The following DPYD variants were observed in gnomAD, a reference collection of about 807,000 sequenced individuals.
DPYD encodes the protein dihydropyrimidine dehydrogenase.
A neutral mutation model predicts 116.2 loss-of-function variants in DPYD; 109 were observed. The ratio of observed to expected loss-of-function variants is 0.94; its 90% CI spans 0.80 to 1.10. The LOEUF (loss-of-function observed/expected upper bound fraction) is 1.10. Ranked by LOEUF, DPYD falls within the 50% of genes least tolerant of loss-of-function variation. The pLI, the probability that DPYD is intolerant of heterozygous loss-of-function variation, is 0.00. For synonymous variants in DPYD, 440 were observed against 432.0 expected (o/e 1.02, Z -0.23); for missense variants, 1,302 against 1,254.5 (o/e 1.04, Z -0.57).
intron 14 of DPYD, among the ~76,000 whole-genome samples, chr1:97,401,301 C>T (rs12026223): frequency 0.19 from 29,115 of 151,796 alleles, 2,954 homozygotes; most frequent in South Asian, 0.36. Flanking sequence ...TTTCACTGAG[C>T]GGAAGTTTTT....
In DPYD at chr1:97,100,479, C is replaced by T. The variant is rs564710576; in HGVS notation, c.2623-1847G>A. ...TATCAAGAACGGTTAAGTGTTGAAA[C>T]ATATGACCTCTGGTTCTAGCAGATG... On this transcript the variant is annotated intron_variant, in intron 20 of 22. Coordinates refer to ENST00000370192, the MANE Select transcript of DPYD (RefSeq NM_000110.4). Among the ~76,000 whole-genome samples the T allele has an allele frequency of 3.3e-5, 5 of 152,158 alleles. No individual in the cohort carries two copies. The East Asian group carries it at 9.7e-4, about 29-fold the overall frequency.
intron 1 of DPYD, among the ~76,000 whole-genome samples, chr1:97,894,453 C>G (rs1457821302): frequency 6.6e-6 from 1 of 151,736 alleles, no homozygotes; most frequent in Non-Finnish European, 1.5e-5. Context: ...TAATATTGGG[C>G]ATCAACTTAA....
At chr1:97,900,451 A>G (rs1323870048) in intron 1 of DPYD, among the ~76,000 whole-genome samples, 1 of 151,924 alleles carries the variant, frequency 6.6e-6, no homozygotes, top group Non-Finnish European at 1.5e-5. Flanking sequence ...ATTCAAAACC[A>G]GGGTGCATGG....
At chr1:97,395,549 C>T (rs1276101628) in intron 14 of DPYD, among the ~76,000 whole-genome samples, 2 of 151,988 alleles carry the variant, frequency 1.3e-5, no homozygotes, top group Non-Finnish European at 2.9e-5. Flanking sequence ...TATTGATTTC[C>T]TATCCTTTCA....
chr1:97,303,925 CAGTG>C (rs1667010601), intron 18 of DPYD, among the ~76,000 whole-genome samples: 1 of 151,930 alleles, frequency 6.6e-6, no homozygotes, highest in Non-Finnish European at 1.5e-5. Flanking sequence ...CTATAATTTC[CAGTG>C]TGTGTATGCT....
chr1:97,326,728 C>T (rs1668723658), intron 16 of DPYD, among the ~76,000 whole-genome samples: 1 of 151,764 alleles, frequency 6.6e-6, no homozygotes. Context: ...GTTATAGACA[C>T]CTAATAAGAT....
At chr1:97,435,171 T>C (rs147705756) in intron 14 of DPYD, among the ~76,000 whole-genome samples, 1 of 152,064 alleles carries the variant, frequency 6.6e-6, no homozygotes, top group Non-Finnish European at 1.5e-5. Context: ...CTCTCTAACA[T>C]GGTTATGAAA....
At chr1:97,756,213 C>A (rs1665223234) in intron 3 of DPYD, among the ~76,000 whole-genome samples, 1 of 152,076 alleles carries the variant, frequency 6.6e-6, no homozygotes, top group African/African-American at 2.4e-5. Context: ...ATATTACGTG[C>A]ATCTATTAGG....
At chr1:97,080,501 A>C (rs2101552598) in intron 22 of DPYD, among the ~76,000 whole-genome samples, 1 of 152,238 alleles carries the variant, frequency 6.6e-6, no homozygotes, top group East Asian at 1.9e-4. Flanking sequence ...AATATTTTTA[A>C]AAAGTCTGAT....
rs553178365 is a variant in DPYD at position 97,784,533 on chromosome 1, T to A, written c.233+43581A>T. Reference sequence around the variant, plus strand: ...TCTGAAGAAGTGTAGTACAAAATGTTCTGGGTGGTTCTCATTTAACAAAAT... The same window carrying A: ...TCTGAAGAAGTGTAGTACAAAATGTACTGGGTGGTTCTCATTTAACAAAAT... On this transcript the variant is annotated intron_variant, in intron 3 of 22. Coordinates refer to ENST00000370192, the MANE Select transcript of DPYD (RefSeq NM_000110.4). Among the ~76,000 whole-genome samples the A allele has an allele frequency of 3.9e-5, 6 of 152,296 alleles. No individual in the cohort carries two copies. In the South Asian group the frequency reaches 1.0e-3, roughly 26 times the overall value.
chr1:97,406,284 T>TG (rs1673651839), intron 14 of DPYD, among the ~76,000 whole-genome samples: 1 of 58,206 alleles, frequency 1.7e-5, no homozygotes, highest in Non-Finnish European at 6.2e-5. Flanking sequence ...AGCTTTTTTT[T>TG]TTTTTAAAAT....
intron 3 of DPYD, among the ~76,000 whole-genome samples, chr1:97,778,188 AAG>A (rs72197937): frequency 0.08 from 8,403 of 105,640 alleles, 760 homozygotes; most frequent in Non-Finnish European, 0.13. Flanking sequence ...GAAAGAAAGA[AAG>A]AGAGAGAGAG....
chr1:97,271,696 A>G (rs1033162534), intron 18 of DPYD, among the ~76,000 whole-genome samples: 1 of 152,218 alleles, frequency 6.6e-6, no homozygotes, highest in Middle Eastern at 3.2e-3. Flanking sequence ...ATCATTTTCA[A>G]TTTAGTCCCT....
chr1:97,337,457 C>T (rs1041256239), intron 16 of DPYD, among the ~76,000 whole-genome samples: 1 of 152,128 alleles, frequency 6.6e-6, no homozygotes, highest in Admixed American at 6.5e-5. Context: ...CTCCATCCTT[C>T]TGCCCTGACC....
intron 13 of DPYD, among the ~76,000 whole-genome samples, chr1:97,463,311 C>T (rs1677124724): frequency 1.3e-5 from 2 of 152,088 alleles, no homozygotes; most frequent in Non-Finnish European, 2.9e-5. Flanking sequence ...GAGGAGTTTC[C>T]CTGCACTCTC....
rs1181703309 is a variant in DPYD, at chr1:97,253,351, AG to A, written c.2300-18358del. ...TCTTTCTGGAGCATTTTTACTTCTC[AG>A]CTTTTAATTATTCTTTAAAAGATTT... is the stretch of plus-strand genomic sequence containing the variant. On this transcript the variant is annotated intron_variant, in intron 18 of 22. Transcript: ENST00000370192. Among the ~76,000 whole-genome samples the A allele has an allele frequency of 7.0e-4, 107 of 152,336 alleles. 2 individuals carry two copies. Among genetic ancestry groups the A allele is most frequent in the Non-Finnish European group, 2.6e-4 (18 of 68,014 alleles).
chr1:97,451,931 T>C (rs745510588), intron 13 of DPYD, among the ~76,000 whole-genome samples: 1 of 152,152 alleles, frequency 6.6e-6, no homozygotes, highest in Non-Finnish European at 1.5e-5. Context: ...AGTTGTTCTC[T>C]ACACAGGATT....
At chr1:97,448,389 G>A (rs1676209128) in intron 14 of DPYD, among the ~76,000 whole-genome samples, 1 of 152,058 alleles carries the variant, frequency 6.6e-6, no homozygotes, top group Non-Finnish European at 1.5e-5. Flanking sequence ...TTCCTCATCA[G>A]TTAAATAGAG....
At chr1:97,471,472 A>G (rs2101852883) in intron 13 of DPYD, among the ~76,000 whole-genome samples, 1 of 152,322 alleles carries the variant, frequency 6.6e-6, no homozygotes, top group South Asian at 2.1e-4. Context: ...CAAGATAGAG[A>G]CAGTAGAGTT....
Sources: gnomAD v4.1 joint callset for allele counts (sites outside exome capture counted in the v4.1 genomes callset) on GRCh38, gnomAD v4.1.1 for gene constraint, MANE v1.5 for transcripts, NCBI Gene and HGNC (gene_info 2026-07-23, HGNC 2026-07-21) for gene names.